The following NAALADL2 variants were observed in gnomAD, a reference collection of about 807,000 sequenced individuals.
NAALADL2 encodes N-acetylated alpha-linked acidic dipeptidase like 2.
A neutral mutation model predicts 87.2 loss-of-function variants in NAALADL2; 76 were observed. The ratio of observed to expected loss-of-function variants is 0.87; its 90% CI spans 0.72 to 1.05. The LOEUF is 1.05. NAALADL2 is among the 50% of genes least tolerant of loss of function. NAALADL2 has a pLI of 0.00. For synonymous variants in NAALADL2, 354 were observed against 331.0 expected (o/e 1.07, Z -0.75); for missense variants, 1,089 against 945.8 (o/e 1.15, Z -1.99).
intron 9 of NAALADL2, among the ~76,000 whole-genome samples, chr3:175,473,028 G>A (rs770263888): frequency 3.9e-5 from 6 of 152,020 alleles, no homozygotes; most frequent in African/African-American, 7.2e-5. Flanking sequence ...TTTTCTTATC[G>A]TGTGTGACAA....
At chr3:175,401,720 T>C (rs551057419) in intron 5 of NAALADL2, among the ~76,000 whole-genome samples, 1 of 152,276 alleles carries the variant, frequency 6.6e-6, no homozygotes. Context: ...ACCACCATCA[T>C]ATATGTGGTC....
intron 3 of NAALADL2, among the ~76,000 whole-genome samples, chr3:174,853,260 C>T (rs1028169079): frequency 7.5e-5 from 11 of 146,624 alleles, no homozygotes; most frequent in African/African-American, 2.0e-4. Context: ...CACCTGTAGT[C>T]CCAGCTACTC....
chr3:175,115,899 G>A (rs1725049832), intron 2 of NAALADL2, among the ~76,000 whole-genome samples: 1 of 151,848 alleles, frequency 6.6e-6, no homozygotes, highest in East Asian at 1.9e-4. Flanking sequence ...AATCAAGTTG[G>A]CTTCATCCCT....
chr3:174,922,480 G>C (rs974895952), intron 1 of NAALADL2, among the ~76,000 whole-genome samples: 1 of 152,002 alleles, frequency 6.6e-6, no homozygotes, highest in Non-Finnish European at 1.5e-5. Flanking sequence ...TTCAAGACCT[G>C]GAAATTAACT....
At chr3:175,007,607 T>C (rs1347771673) in intron 1 of NAALADL2, among the ~76,000 whole-genome samples, 2 of 152,192 alleles carry the variant, frequency 1.3e-5, no homozygotes, top group Non-Finnish European at 2.9e-5. Context: ...TTTCAGATTA[T>C]TGGCTAAACT....
chr3:174,883,816 T>C (rs904097527), intron 1 of NAALADL2, among the ~76,000 whole-genome samples: 13 of 152,270 alleles, frequency 8.5e-5, no homozygotes, highest in African/African-American at 3.1e-4. Flanking sequence ...TCTGGGTCTT[T>C]TGTAGTCCTG....
chr3:174,638,353 C>T (rs1450354681), intron 2 of NAALADL2, among the ~76,000 whole-genome samples: 2 of 151,930 alleles, frequency 1.3e-5, no homozygotes, highest in Admixed American at 6.6e-5. Context: ...ACCAATTTTA[C>T]AATATAGTAT....
chr3:175,664,943 T>C (rs1732749717), intron 11 of NAALADL2, among the ~76,000 whole-genome samples: 5 of 152,168 alleles, frequency 3.3e-5, no homozygotes, highest in Admixed American at 3.3e-4. Flanking sequence ...AATTTCTCCC[T>C]CTTCATTTTG....
Position 174,929,277 on chromosome 3 carries a change from C to A in NAALADL2, c.43+69827C>A, listed in dbSNP as rs1736523261. ...TTTTATTCTAAGTGTAATGGGAAAT[C>A]ACTGAAGGATTGCAGTGAGGAAAGT... is the stretch of plus-strand genomic sequence containing the variant. On this transcript the variant is annotated intron_variant, in intron 1 of 13. Coordinates refer to ENST00000454872, the MANE Select transcript of NAALADL2 (RefSeq NM_207015.3). Among the ~76,000 whole-genome samples the A allele has an allele frequency of 2.0e-5, 3 of 152,270 alleles. No homozygotes were observed. In the South Asian group the frequency reaches 6.2e-4, roughly 32 times the overall value.
chr3:175,532,142 C>A (rs1427766304), intron 9 of NAALADL2, among the ~76,000 whole-genome samples: 3 of 152,076 alleles, frequency 2.0e-5, no homozygotes, highest in East Asian at 1.9e-4. Context: ...CCCACTGGAC[C>A]CACTGTAAGT....
upstream of NAALADL2, among the ~76,000 whole-genome samples, chr3:174,859,127 A>C (rs1428689586): frequency 6.6e-6 from 1 of 152,140 alleles, no homozygotes; most frequent in African/African-American, 2.4e-5. Flanking sequence ...ACTAAAGTGA[A>C]AGTAGAGAAT....
intron 1 of NAALADL2, among the ~76,000 whole-genome samples, chr3:174,927,215 T>G (rs1020548860): frequency 2.0e-5 from 3 of 152,214 alleles, no homozygotes; most frequent in South Asian, 2.1e-4. Flanking sequence ...AAGCAAGTCC[T>G]TAGAGACCTA....
intron 11 of NAALADL2, among the ~76,000 whole-genome samples, chr3:175,642,398 C>A (rs111733547): frequency 6.6e-6 from 1 of 152,148 alleles, no homozygotes; most frequent in African/African-American, 2.4e-5. Flanking sequence ...GATTGACCAC[C>A]AGGCTGAACC....
rs552594872 is a variant in NAALADL2 at position 174,835,841 on chromosome 3, A to G, written c.-9+98095A>G. Among the ~76,000 whole-genome samples, 3 of 152,338 alleles carry G rather than the reference A, an allele frequency of 2.0e-5. No homozygotes were observed. In the East Asian group the frequency reaches 5.8e-4, roughly 29 times the overall value. On this transcript the variant is annotated intron_variant, in intron 3 of 3. Coordinates refer to the NAALADL2 transcript ENST00000434257. Reference sequence around the variant, plus strand: ...CCATTGGATGGCTAATATCAGAAAAATAGCAAATAACAAGTATTGGTTAAA... The same window carrying G: ...CCATTGGATGGCTAATATCAGAAAAGTAGCAAATAACAAGTATTGGTTAAA...
intron 3 of NAALADL2, among the ~76,000 whole-genome samples, chr3:175,250,871 T>C (rs1748938065): frequency 6.6e-6 from 1 of 152,196 alleles, no homozygotes; most frequent in Non-Finnish European, 1.5e-5. Flanking sequence ...TGAAGCTTGA[T>C]CTGTGTAATA....
At chr3:175,461,505 G>A (rs1338380179) in intron 6 of NAALADL2, among the ~76,000 whole-genome samples, 2 of 152,142 alleles carry the variant, frequency 1.3e-5, no homozygotes, top group Non-Finnish European at 2.9e-5. Context: ...AACAGCTGTT[G>A]GGAATTGGGC....
At chr3:174,591,109 G>A (rs75940029) in intron 2 of NAALADL2, among the ~76,000 whole-genome samples, 2,870 of 152,286 alleles carry the variant, frequency 0.019, 99 homozygotes, top group African/African-American at 0.065. Context: ...CTGGGAAGGA[G>A]ACTGATAGAC....
At chr3:174,908,700 G>A (rs1009395068) in intron 1 of NAALADL2, among the ~76,000 whole-genome samples, 8 of 151,934 alleles carry the variant, frequency 5.3e-5, no homozygotes, top group African/African-American at 1.9e-4. Flanking sequence ...ACTAAAACAG[G>A]CAAGATTTGA....
intron 2 of NAALADL2, among the ~76,000 whole-genome samples, chr3:175,115,770 G>T (rs575811730): frequency 5.3e-5 from 8 of 151,498 alleles, no homozygotes; most frequent in African/African-American, 1.7e-4. Context: ...GAGATCGAGC[G>T]CATTCAGGGG....
Sources: gnomAD v4.1 joint callset for allele counts (sites outside exome capture counted in the v4.1 genomes callset) on GRCh38, gnomAD v4.1.1 for gene constraint, MANE v1.5 for transcripts, NCBI Gene and HGNC (gene_info 2026-07-23, HGNC 2026-07-21) for gene names.